Variants in MMP3 observed in about 807,000 individuals in gnomAD.
The protein encoded by MMP3 is stromelysin-1.
Under a neutral mutation model 47.3 loss-of-function variants are expected in MMP3, and 46 were observed. The observed-to-expected ratio is 0.97, with a 90% confidence interval of 0.77 to 1.24. The LOEUF is 1.24. Among genes scored for constraint, MMP3 ranks in the 50% most tolerant of loss-of-function variants. The pLI is 0.00. For synonymous variants in MMP3, 216 were observed against 206.5 expected (o/e 1.05, Z -0.39); for missense variants, 558 against 565.5 (o/e 0.99, Z 0.13).
chr11:102,838,288 A>G (rs182813413), intron 8 of MMP3, among the ~76,000 whole-genome samples: 1 of 152,192 alleles, frequency 6.6e-6, no homozygotes, highest in East Asian at 1.9e-4. Context: ...CAAGATTTGA[A>G]TAGGTTGAGG....
chr11:102,840,906 C>A (rs1858985929), intron 4 of MMP3, among the ~76,000 whole-genome samples: 1 of 151,666 alleles, frequency 6.6e-6, no homozygotes, highest in Admixed American at 6.6e-5. Context: ...TTCTTGTACT[C>A]AGGAATGGAA....
In MMP3 at chr11:102,837,928, G is replaced by A. The variant is rs3025073; in HGVS notation, c.1230-527C>T. 3.5e-3 allele frequency among the ~76,000 whole-genome samples: 539 copies of A among 152,212 alleles called. 1 individual carries two copies. The highest frequency in any genetic ancestry group is 0.013 in the African/African-American group (524 of 41,556). ...GTCGGCCTCGATGTCTCAAAGTCTG[G>A]CCAAATGACCCAGGAATCAACCTGT... On this transcript the variant is annotated intron_variant, in intron 8 of 9. Coordinates refer to ENST00000299855, the MANE Select transcript of MMP3 (RefSeq NM_002422.5). The surrounding 1 kb of genome is among the most constrained non-coding windows in gnomAD (Gnocchi z 4.4).
In MMP3 at chr11:102,837,674, T is replaced by C. The variant is rs982105195; in HGVS notation, c.1230-273A>G. Among the ~76,000 whole-genome samples the C allele has an allele frequency of 1.3e-5, 2 of 152,104 alleles. No homozygotes were observed. The highest frequency in any genetic ancestry group is 1.3e-4 in the Admixed American group (2 of 15,270). On this transcript the variant is annotated intron_variant, in intron 8 of 9. Transcript: ENST00000299855. This position sits in a 1 kb window ranked among gnomAD's most constrained non-coding sequence, Gnocchi z 4.4. ...TCTTAAGCCTGGACAGAAAGAACCT[T>C]AATCATCTTTCTGTCACAAAGACAT...
Position 102,836,273 on chromosome 11 carries a change from G to C in MMP3, c.1334-47C>G. ...ATAGTAAGATATTTTTCCAAATAAA[G>C]ACATTTGACAATATACAAAACTCAG... is the stretch of plus-strand genomic sequence containing the variant. On this transcript the variant is annotated intron_variant, in intron 9 of 9. Transcript: ENST00000299855. The surrounding 1 kb of genome is among the most constrained non-coding windows in gnomAD (Gnocchi z 4.6). 1.4e-6 allele frequency: 2 copies of C among 1,418,190 alleles called. No homozygotes were observed. Among genetic ancestry groups the C allele is most frequent in the South Asian group, 2.3e-5 (2 of 85,146 alleles). The allele number at this position is 1,418,190 out of a possible 1,614,324, so 87.9% of individuals were successfully genotyped here. A position where few individuals can be genotyped will look rare whatever the true frequency, so the allele number is the denominator to read the frequency against.
chr11:102,836,702 C>T lies in MMP3; in HGVS notation c.1334-476G>A. 2.7e-6 allele frequency: 1 copy of T among 368,524 alleles called. No individual in the cohort carries two copies. The highest frequency in any genetic ancestry group is 5.5e-6 in the Non-Finnish European group (1 of 181,014). 22.8% of individuals were successfully genotyped at this position (368,524 alleles called of 1,614,324 possible). A position where few individuals can be genotyped will look rare whatever the true frequency, so the allele number is the denominator to read the frequency against. ...CAACTATTTCAAAACACCAGGGGAC[C>T]CTTTAGTGCTCTGCAAACATGGTGA... On this transcript the variant is annotated intron_variant, in intron 9 of 9. Coordinates refer to ENST00000299855, the MANE Select transcript of MMP3 (RefSeq NM_002422.5). The surrounding 1 kb of genome is among the most constrained non-coding windows in gnomAD (Gnocchi z 4.6).
At chr11:102,838,412 C>G (rs1208639774) in intron 8 of MMP3, 139 bp downstream of exon 8, 1 of 946,640 alleles carries the variant, frequency 1.1e-6, no homozygotes, top group African/African-American at 1.7e-5. Flanking sequence ...AAAGTAAGAA[C>G]TTTCCCACAG....
intron 7 of MMP3, 85 bp downstream of exon 7, chr11:102,839,025 G>T: frequency 2.1e-6 from 3 of 1,455,676 alleles, no homozygotes; most frequent in Non-Finnish European, 2.8e-6. Context: ...GCCAGAACTT[G>T]TAGTAGGGAA....
At position 102,840,594 on chromosome 11, in the gene MMP3, C is replaced by T; in HGVS notation, c.626-1G>A. ...GCAGCAACGAGAAATAAATTGGTCC[C>T]TATTTAAGAAATTGAGAACAATAGT... On this transcript the variant is annotated splice_acceptor_variant, in intron 4 of 9. Transcript: ENST00000299855. LOFTEE classifies it high-confidence loss of function. 6.2e-7 allele frequency: 1 copy of T among 1,613,282 alleles called. No individual in the cohort carries two copies. The highest frequency in any genetic ancestry group is 8.5e-7 in the Non-Finnish European group (1 of 1,179,798).
At chr11:102,840,330 C>A in intron 5 of MMP3, 78 bp from the exon 6 acceptor site, 1 of 1,586,524 alleles carries the variant, frequency 6.3e-7, no homozygotes, top group Admixed American at 1.8e-5. Flanking sequence ...TCTCACGGTG[C>A]TTTGAACTAA....
chr11:102,841,667 T>TA (rs1431321343), intron 4 of MMP3, among the ~76,000 whole-genome samples: 1 of 145,408 alleles, frequency 6.9e-6, no homozygotes, highest in East Asian at 2.0e-4. Context: ...AACAAGCCCA[T>TA]AAAAATTCTT....
chr11:102,842,060 G>A, intron 4 of MMP3, 94 bp downstream of exon 4: 2 of 1,264,526 alleles, frequency 1.6e-6, no homozygotes, highest in Non-Finnish European at 2.1e-6. Context: ...GGAAAATCCA[G>A]AACATCTCAT....
At position 102,837,541 on chromosome 11, in the gene MMP3, G is replaced by T. The variant is rs1858905008; in HGVS notation, c.1230-140C>A. On this transcript the variant is annotated intron_variant, in intron 8 of 9. Coordinates refer to ENST00000299855, the MANE Select transcript of MMP3 (RefSeq NM_002422.5). This position sits in a 1 kb window ranked among gnomAD's most constrained non-coding sequence, Gnocchi z 4.4. ...AATGCCAAGCATATTTGGGACTATA[G>T]AAATATGTGACTTTAATGGTACTGT... 3.1e-6 allele frequency: 2 copies of T among 647,276 alleles called. No individual in the cohort carries two copies. The highest frequency in any genetic ancestry group is 2.7e-5 in the East Asian group (1 of 36,576). The allele number at this position is 647,276 out of a possible 1,614,324, so 40.1% of individuals were successfully genotyped here.
chr11:102,840,526 G>A lies in MMP3; in HGVS notation c.693C>T (p.Asn231=), dbSNP rs1858976943. 6.2e-7 allele frequency: 1 copy of A among 1,614,124 alleles called. No individual in the cohort carries two copies. Among genetic ancestry groups the A allele is most frequent in the Non-Finnish European group, 8.5e-7 (1 of 1,179,996 alleles). Residue 231 remains asparagine, a synonymous_variant, in exon 5 of 10, where the codon AAC becomes AAT. Transcript: ENST00000299855. The part of the protein sequence containing the change: ...GHSLGLFHSA[N]TEALMYPLYH... ...AGAGTGGGTACATCAAAGCTTCAGT[G>A]TTGGCTGAGTGAAAGAGACCCAGGG...
chr11:102,841,220 T>G (rs1858991444), intron 4 of MMP3, among the ~76,000 whole-genome samples: 1 of 152,212 alleles, frequency 6.6e-6, no homozygotes, highest in Non-Finnish European at 1.5e-5. Context: ...AATTTTTTCC[T>G]TCATATTTTT....
chr11:102,842,227 G>A lies in MMP3; in HGVS notation c.552C>T (p.Ala184=), dbSNP rs1555005563. 1.2e-6 allele frequency: 2 copies of A among 1,612,368 alleles called. No homozygotes were observed. Among genetic ancestry groups the A allele is most frequent in the Admixed American group, 3.4e-5 (2 of 59,630 alleles). The change falls in exon 4 of 10, where the codon GCC becomes GCT. Residue 184 remains alanine (A), a synonymous_variant. Transcript: ENST00000299855. ...FDGPGNVLAH[A]YAPGPGINGD... ...CATTAATCCCTGGCCCAGGGGCATA[G>A]GCATGGGCCAAAACATTTCCAGGTC...
Position 102,836,035 on chromosome 11 carries a change from G to A in MMP3, c.*91C>T, listed in dbSNP as rs186193360. On this transcript the variant is annotated 3_prime_UTR_variant, in exon 10 of 10. Transcript: ENST00000299855. This position sits in a 1 kb window ranked among gnomAD's most constrained non-coding sequence, Gnocchi z 4.6. ...GTGACTCGAGTCACAGCACAGGCAG[G>A]AGAAAACGAACATTTCAATTCACAG... 7 of 974,380 alleles carry A rather than the reference G, an allele frequency of 7.2e-6. No individual in the cohort carries two copies. Among genetic ancestry groups the A allele is most frequent in the Non-Finnish European group, 1.1e-5 (7 of 620,670 alleles). 60.4% of individuals were successfully genotyped at this position (974,380 alleles called of 1,614,324 possible). A position where few individuals can be genotyped will look rare whatever the true frequency, so the allele number is the denominator to read the frequency against.
rs185940882 is a variant in MMP3, at chr11:102,836,702, C to A, written c.1334-476G>T. The stretch of plus-strand genomic sequence containing the variant: ...CAACTATTTCAAAACACCAGGGGAC[C>A]CTTTAGTGCTCTGCAAACATGGTGA... On this transcript the variant is annotated intron_variant, in intron 9 of 9. Transcript: ENST00000299855. This position sits in a 1 kb window ranked among gnomAD's most constrained non-coding sequence, Gnocchi z 4.6. 55 of 368,524 alleles carry A rather than the reference C, an allele frequency of 1.5e-4. 1 individual carries two copies. The highest frequency in any genetic ancestry group is 1.1e-3 in the African/African-American group (54 of 47,102). 22.8% of individuals were successfully genotyped at this position (368,524 alleles called of 1,614,324 possible).
At position 102,839,148 on chromosome 11, in the gene MMP3, T is replaced by C. The variant is rs201409153; in HGVS notation, c.1031A>G (p.Tyr344Cys). 2 of 1,614,140 alleles carry C rather than the reference T, an allele frequency of 1.2e-6. No homozygotes were observed. The highest frequency in any genetic ancestry group is 2.2e-5 in the East Asian group (1 of 44,880). ...PSLPSGVDAA[Y>C]EVTSKDLVFI... is the part of the protein sequence containing the mutation. The stretch of plus-strand genomic sequence containing the variant: ...AACGAGGTCCTTGCTAGTAACTTCA[T>C]ATGCGGCATCCACGCCTGAAGGAAG... The change falls in exon 7 of 10, where the codon TAT becomes TGT. Residue 344 changes from tyrosine (Y) to cysteine (C), a missense_variant. Coordinates refer to ENST00000299855, the MANE Select transcript of MMP3 (RefSeq NM_002422.5).
chr11:102,839,295 AG>A, intron 6 of MMP3, 52 bp from the exon 7 acceptor site: 1 of 1,607,440 alleles, frequency 6.2e-7, no homozygotes, highest in Non-Finnish European at 8.5e-7. Context: ...TTTCACCTTT[AG>A]AATATTTTCC....
Sources: allele counts gnomAD v4.1 joint callset (sites outside exome capture counted in the v4.1 genomes callset), GRCh38; gene constraint gnomAD v4.1.1; non-coding constraint Gnocchi (gnomAD v3.1); transcripts MANE v1.5; gene names NCBI Gene and HGNC (gene_info 2026-07-23, HGNC 2026-07-21).